Variants in EXOC4 observed in about 807,000 individuals in gnomAD.
EXOC4 encodes the protein exocyst complex component 4.
In EXOC4, 71 loss-of-function variants were observed where a neutral mutation model predicts 107.2. The ratio of observed to expected loss-of-function variants is 0.66; its 90% confidence interval spans 0.55 to 0.81. The LOEUF is 0.81. EXOC4 is among the 30% of genes least tolerant of loss of function. EXOC4 has a pLI of 0.00. For synonymous variants in EXOC4, 456 were observed against 441.2 expected, an observed-to-expected ratio of 1.03 and a Z score of -0.42; for missense variants, 1,108 against 1,189.6, an observed-to-expected ratio of 0.93 and a Z score of 1.01.
At chr7:133,410,962 G>A (rs1344460576) in intron 7 of EXOC4, among the ~76,000 whole-genome samples, 1 of 152,082 alleles carries the variant, frequency 6.6e-6, no homozygotes, top group Non-Finnish European at 1.5e-5. Context: ...ATCTACATTA[G>A]CATCAGTAAA....
intron 9 of EXOC4, among the ~76,000 whole-genome samples, chr7:133,599,939 C>T (rs1468611570): frequency 8.6e-6 from 1 of 116,270 alleles, no homozygotes; most frequent in Non-Finnish European, 1.6e-5. Context: ...TCACTCCTGT[C>T]TCCCAGGCTG....
chr7:133,268,079 T>C (rs1398630291), intron 1 of EXOC4, among the ~76,000 whole-genome samples: 2 of 152,200 alleles, frequency 1.3e-5, no homozygotes, highest in Non-Finnish European at 2.9e-5. Context: ...CACTTTATAT[T>C]TTCAAAGCAC....
At chr7:134,023,205 A>T (rs10279168) in intron 17 of EXOC4, among the ~76,000 whole-genome samples, 25,844 of 152,120 alleles carry the variant, frequency 0.17, 2,826 homozygotes, top group East Asian at 0.43. Context: ...GAAGAATACT[A>T]CTACAATTAG....
chr7:133,288,590 T>C (rs1274506720), intron 2 of EXOC4, among the ~76,000 whole-genome samples: 1 of 152,220 alleles, frequency 6.6e-6, no homozygotes, highest in Non-Finnish European at 1.5e-5. Context: ...CTCACATTGA[T>C]CATTCTCCTT....
At chr7:133,373,326 G>C (rs1053547474) in intron 6 of EXOC4, among the ~76,000 whole-genome samples, 4 of 152,092 alleles carry the variant, frequency 2.6e-5, no homozygotes, top group African/African-American at 9.7e-5. Flanking sequence ...GACCTTTAAG[G>C]ATTAAAAAGA....
intron 9 of EXOC4, among the ~76,000 whole-genome samples, chr7:133,627,430 G>C (rs1802482496): frequency 6.6e-6 from 1 of 152,084 alleles, no homozygotes; most frequent in African/African-American, 2.4e-5. Context: ...AAATCATCTA[G>C]TCTATCTCGT....
chr7:133,754,047 G>T (rs1256957822), intron 10 of EXOC4, among the ~76,000 whole-genome samples: 2 of 152,144 alleles, frequency 1.3e-5, no homozygotes, highest in Non-Finnish European at 2.9e-5. Context: ...TGTTTTGAAT[G>T]GGGGCAAAAC....
chr7:133,606,325 C>T (rs1444966974), intron 9 of EXOC4, among the ~76,000 whole-genome samples: 2 of 151,944 alleles, frequency 1.3e-5, no homozygotes, highest in Non-Finnish European at 2.9e-5. Context: ...CCCAATATTG[C>T]TCTGTACATC....
chr7:133,483,548 C>T (rs929184072), intron 9 of EXOC4, among the ~76,000 whole-genome samples: 8 of 152,138 alleles, frequency 5.3e-5, no homozygotes, highest in Admixed American at 5.2e-4. Flanking sequence ...GGCTTTCAAG[C>T]ACAAGTCGAT....
chr7:133,786,762 T>A (rs1272138020), intron 10 of EXOC4, among the ~76,000 whole-genome samples: 2 of 152,210 alleles, frequency 1.3e-5, no homozygotes, highest in East Asian at 3.9e-4. Context: ...ACAGTGATGA[T>A]TTCACCATCC....
chr7:133,879,565 T>C (rs1798921401), intron 11 of EXOC4, among the ~76,000 whole-genome samples: 1 of 152,232 alleles, frequency 6.6e-6, no homozygotes, highest in South Asian at 2.1e-4. Flanking sequence ...ATAGCCACCT[T>C]AAATGGTGAC....
chr7:133,276,937 C>T (rs1316408266), intron 2 of EXOC4, among the ~76,000 whole-genome samples: 3 of 151,938 alleles, frequency 2.0e-5, no homozygotes, highest in Non-Finnish European at 4.4e-5. Flanking sequence ...CATGTGTTGA[C>T]CTCTTTATAT....
rs1261998178 is a variant in EXOC4, at chr7:133,416,809, GGGAAGCTAAGCC to G, written c.1182+41809_1182+41820del. Among the ~76,000 whole-genome samples, 7 of 152,142 alleles carry G rather than the reference GGGAAGCTAAGCC, an allele frequency of 4.6e-5. No homozygotes were observed. The East Asian group carries it at 1.2e-3, about 25-fold the overall frequency. On this transcript the variant is annotated intron_variant, in intron 7 of 17. Transcript: ENST00000253861. ...ATGAATGACTCTCTGCTTGCAGGGA[GGGAAGCTAAGCC>G]GATGTTGGAGTAGAGGAGGAGCTGA...
intron 9 of EXOC4, among the ~76,000 whole-genome samples, chr7:133,547,734 A>G (rs576465367): frequency 1.3e-5 from 2 of 152,250 alleles, no homozygotes; most frequent in Admixed American, 1.3e-4. Flanking sequence ...AAGTTTTATC[A>G]TGAGATTGTA....
At chr7:133,559,002 T>C (rs1211238282) in intron 9 of EXOC4, among the ~76,000 whole-genome samples, 6 of 152,220 alleles carry the variant, frequency 3.9e-5, no homozygotes, top group Non-Finnish European at 7.3e-5. Flanking sequence ...CTATGTAAAA[T>C]GCTTCTCAGG....
chr7:134,050,507 A>G (rs35183531), intron 17 of EXOC4, among the ~76,000 whole-genome samples: 28,707 of 152,000 alleles, frequency 0.19, 3,656 homozygotes, highest in East Asian at 0.43. Context: ...TAAAAAAGAT[A>G]TGATTCTACA....
At chr7:133,643,012 G>A (rs780992082) in intron 10 of EXOC4, among the ~76,000 whole-genome samples, 1 of 152,060 alleles carries the variant, frequency 6.6e-6, no homozygotes, top group East Asian at 1.9e-4. Flanking sequence ...CATAATGTAA[G>A]TGGATTGCTG....
intron 11 of EXOC4, among the ~76,000 whole-genome samples, chr7:133,872,455 C>T (rs1798770483): frequency 1.3e-5 from 2 of 152,128 alleles, no homozygotes; most frequent in Non-Finnish European, 2.9e-5. Context: ...AGCTGAAGTA[C>T]TCATTTGTCT....
intron 14 of EXOC4, among the ~76,000 whole-genome samples, chr7:133,942,281 T>A (rs545849482): frequency 6.6e-6 from 1 of 151,904 alleles, no homozygotes; most frequent in East Asian, 1.9e-4. Flanking sequence ...TTTTTTTTTT[T>A]AAGTGAAGCC....
Sources: gnomAD v4.1 joint callset for allele counts (sites outside exome capture counted in the v4.1 genomes callset) on GRCh38, gnomAD v4.1.1 for gene constraint, MANE v1.5 for transcripts, NCBI Gene and HGNC (gene_info 2026-07-23, HGNC 2026-07-21) for gene names.